CCR5AS: variants seen among roughly 807,000 people sequenced by gnomAD.
CCR5AS encodes the protein CCR5 antisense RNA.
chr3:46,400,631 C>T (rs539565575), intron 1 of CCR5AS, among the ~76,000 whole-genome samples: 77 of 152,220 alleles, frequency 5.1e-4, no homozygotes, highest in Non-Finnish European at 9.9e-4. Context: ...GGAGTGAAAC[C>T]GAAGGCCAGG....
chr3:46,388,691 A>G (rs1426381542), intron 2 of CCR5AS, among the ~76,000 whole-genome samples: 1 of 152,232 alleles, frequency 6.6e-6, no homozygotes, highest in Non-Finnish European at 1.5e-5. Context: ...TGGAGGAAAG[A>G]GAAATGCAAA....
exon 4 of CCR5AS, among the ~76,000 whole-genome samples, chr3:46,364,748 G>T (rs1416087241): frequency 6.6e-6 from 1 of 152,138 alleles, no homozygotes; most frequent in Non-Finnish European, 1.5e-5. Context: ...CATTATTCTA[G>T]ATGCCATTAG....
intron 1 of CCR5AS, among the ~76,000 whole-genome samples, chr3:46,397,782 G>A (rs1297507063): frequency 6.6e-6 from 1 of 152,250 alleles, no homozygotes; most frequent in Non-Finnish European, 1.5e-5. Flanking sequence ...ATATGGAAGG[G>A]CAAAAGGAAG....
intron 2 of CCR5AS, chr3:46,373,531 T>C (rs1247833264): frequency 6.2e-7 from 1 of 1,613,398 alleles, no homozygotes; most frequent in Admixed American, 1.7e-5. Context: ...CTGCTTGTCA[T>C]GGTCATCTGC....
chr3:46,404,802 C>G (rs1428273461), intron 1 of CCR5AS, among the ~76,000 whole-genome samples: 2 of 152,174 alleles, frequency 1.3e-5, no homozygotes, highest in African/African-American at 2.4e-5. Context: ...CTATTTTGTC[C>G]ATTGGTGCAT....
chr3:46,394,861 G>A (rs1277423922), intron 1 of CCR5AS, among the ~76,000 whole-genome samples: 2 of 152,202 alleles, frequency 1.3e-5, no homozygotes, highest in Non-Finnish European at 2.9e-5. Context: ...GAGAGGACAG[G>A]TGGGGATGGC....
chr3:46,364,169 T>C (rs1701579245), downstream of CCR5AS, among the ~76,000 whole-genome samples: 1 of 152,240 alleles, frequency 6.6e-6, no homozygotes, highest in Admixed American at 6.5e-5. Flanking sequence ...TGGAAGAAGA[T>C]GCCATCCAGG....
At chr3:46,403,338 C>T (rs1443821941) in intron 1 of CCR5AS, among the ~76,000 whole-genome samples, 1 of 152,200 alleles carries the variant, frequency 6.6e-6, no homozygotes, top group African/African-American at 2.4e-5. Flanking sequence ...AAGGCATCAT[C>T]CTAGCATTTC....
intron 1 of CCR5AS, among the ~76,000 whole-genome samples, chr3:46,401,798 ATATT>A (rs1018444878): frequency 5.4e-5 from 8 of 149,210 alleles, no homozygotes; most frequent in Admixed American, 6.7e-5. Context: ...AATTAATAAT[ATATT>A]TATTTATTTA....
intron 1 of CCR5AS, among the ~76,000 whole-genome samples, chr3:46,404,327 C>CTCTCT (rs774829413): frequency 2.6e-5 from 2 of 75,926 alleles, no homozygotes; most frequent in African/African-American, 1.4e-4. Flanking sequence ...CTCTCTCTCT[C>CTCTCT]TTTTTTTTTT....
At chr3:46,367,630 G>A (rs750780778) in intron 3 of CCR5AS, among the ~76,000 whole-genome samples, 1 of 152,166 alleles carries the variant, frequency 6.6e-6, no homozygotes, top group Non-Finnish European at 1.5e-5. Flanking sequence ...GAGTGCAATG[G>A]CCCAATCTTG....
At chr3:46,364,508 T>C (rs772503470) in exon 4 of CCR5AS, among the ~76,000 whole-genome samples, 5 of 152,202 alleles carry the variant, frequency 3.3e-5, no homozygotes, top group Non-Finnish European at 7.3e-5. Flanking sequence ...AGAGCTGTGT[T>C]GGAGATGTAC....
chr3:46,399,269 G>A (rs760218173), intron 1 of CCR5AS, among the ~76,000 whole-genome samples: 9 of 152,158 alleles, frequency 5.9e-5, no homozygotes, highest in African/African-American at 2.2e-4. Flanking sequence ...GACACTTCCT[G>A]TTCATGGGCA....
At chr3:46,384,321 G>C (rs1333088329) in intron 2 of CCR5AS, among the ~76,000 whole-genome samples, 1 of 152,200 alleles carries the variant, frequency 6.6e-6, no homozygotes, top group Non-Finnish European at 1.5e-5. Context: ...CATGTTGTCT[G>C]TTCCTTACTG....
chr3:46,372,027 C>A (rs1321140353), intron 2 of CCR5AS, among the ~76,000 whole-genome samples: 1 of 152,172 alleles, frequency 6.6e-6, no homozygotes, highest in African/African-American at 2.4e-5. Context: ...AAGTTACTCA[C>A]CCTCTCTGTG....
At chr3:46,404,327 CTTTTTTTTTTT>C (rs10567130) in intron 1 of CCR5AS, among the ~76,000 whole-genome samples, 1 of 75,910 alleles carries the variant, frequency 1.3e-5, no homozygotes, top group East Asian at 3.9e-4. Flanking sequence ...CTCTCTCTCT[CTTTTTTTTTTT>C]TTTTTTTTTT....
chr3:46,394,376 C>A (rs1437757077), intron 1 of CCR5AS, among the ~76,000 whole-genome samples: 1 of 152,204 alleles, frequency 6.6e-6, no homozygotes, highest in Non-Finnish European at 1.5e-5. Context: ...ATTTCGGCGA[C>A]TTACTCCAGA....
At chr3:46,389,376 G>T (rs1479204514) in intron 2 of CCR5AS, among the ~76,000 whole-genome samples, 1 of 152,166 alleles carries the variant, frequency 6.6e-6, no homozygotes, top group African/African-American at 2.4e-5. Flanking sequence ...ACCAGGTAGG[G>T]TCCAGTCCAT....
At chr3:46,366,053 T>C (rs1218754163) in intron 3 of CCR5AS, among the ~76,000 whole-genome samples, 4 of 152,158 alleles carry the variant, frequency 2.6e-5, no homozygotes, top group African/African-American at 7.2e-5. Context: ...CTCACTCGCT[T>C]CCCCACCAAT....
Sources: gnomAD v4.1 joint callset for allele counts (sites outside exome capture counted in the v4.1 genomes callset) on GRCh38, gnomAD v4.1.1 for gene constraint, MANE v1.5 for transcripts, NCBI Gene and HGNC (gene_info 2026-07-23, HGNC 2026-07-21) for gene names.